The following DDX39A variants were observed in gnomAD, a reference collection of about 807,000 sequenced individuals.
The protein encoded by DDX39A is DExD-box helicase 39A.
A neutral mutation model predicts 46.3 loss-of-function variants in DDX39A; 13 were observed. That is an observed-to-expected ratio of 0.28 (90% CI 0.18 to 0.45). The LOEUF (loss-of-function observed/expected upper bound fraction) is 0.45. DDX39A is among the 20% of genes least tolerant of loss of function. DDX39A has a pLI of 1.00. For synonymous variants in DDX39A, 234 were observed against 224.6 expected (o/e 1.04, Z -0.38); for missense variants, 352 against 581.8 (o/e 0.61, Z 4.06).
chr19:14,411,208 A>ACACGGCCCAAGGCCCCAACCTG lies in DDX39A; in HGVS notation c.430-58_430-37dup. The ACACGGCCCAAGGCCCCAACCTG allele has an allele frequency of 6.5e-6, 10 of 1,538,064 alleles. No homozygotes were observed. The highest frequency in any genetic ancestry group is 8.8e-6 in the Non-Finnish European group (10 of 1,142,770). On this transcript the variant is annotated intron_variant, in intron 4 of 10. Transcript: ENST00000242776. The surrounding 1 kb of genome is among the most constrained non-coding windows in gnomAD (Gnocchi z 4.1). ...GAGGAGGAAACCGCTCCATGCTGAT[A>ACACGGCCCAAGGCCCCAACCTG]CACGGCCCAAGGCCCCAACCTGCAC...
intron 1 of DDX39A, among the ~76,000 whole-genome samples, chr19:14,414,283 T>C (rs1186616834): frequency 6.6e-6 from 1 of 151,896 alleles, no homozygotes; most frequent in Non-Finnish European, 1.5e-5. Context: ...TGGCCAGTTC[T>C]CACCTATGCT....
At chr19:14,418,021 T>A (rs1976882357) in intron 1 of DDX39A, among the ~76,000 whole-genome samples, 1 of 146,982 alleles carries the variant, frequency 6.8e-6, no homozygotes, top group Non-Finnish European at 1.5e-5. Context: ...ATACAAAAAT[T>A]AGCCGGATGT....
chr19:14,411,332 A>G lies in DDX39A; in HGVS notation c.430-160T>C, dbSNP rs1976582362. The G allele has an allele frequency of 9.7e-7, 1 of 1,026,208 alleles. No homozygotes were observed. Among genetic ancestry groups the G allele is most frequent in the Non-Finnish European group, 1.4e-6 (1 of 705,084 alleles). 63.6% of individuals were successfully genotyped at this position (1,026,208 alleles called of 1,614,324 possible). A position where few individuals can be genotyped will look rare whatever the true frequency, so the allele number is the denominator to read the frequency against. On this transcript the variant is annotated intron_variant, in intron 4 of 10. Transcript: ENST00000242776. The surrounding 1 kb of genome is among the most constrained non-coding windows in gnomAD (Gnocchi z 4.1). ...GGCAGCCCCAGGCTGGGACCTGCGC[A>G]GGCCCCTGGGAGCCATGCATAATTC...
chr19:14,408,896 A>G lies in DDX39A; in HGVS notation c.*40T>C. ...GCCTGGAAAGGGGAGGTGAAGCTGC[A>G]TGCGGGCGGCTCCGGGTGGGCGGCT... On this transcript the variant is annotated 3_prime_UTR_variant, in exon 11 of 11. Coordinates refer to ENST00000242776, the MANE Select transcript of DDX39A (RefSeq NM_005804.4). 5 of 1,554,862 alleles carry G rather than the reference A, an allele frequency of 3.2e-6. No individual in the cohort carries two copies. The highest frequency in any genetic ancestry group is 4.3e-6 in the Non-Finnish European group (5 of 1,149,712).
intron 1 of DDX39A, among the ~76,000 whole-genome samples, chr19:14,416,994 G>A (rs1424955642): frequency 6.6e-6 from 1 of 152,158 alleles, no homozygotes; most frequent in African/African-American, 2.4e-5. Context: ...GCCTGGGCCT[G>A]TGTACTTGTT....
Position 14,409,315 on chromosome 19 carries a change from G to C in DDX39A, c.1107C>G (p.Thr369=). ...TGAGGCTGCTCACCCGGTGCAGGTAGGTGTCCGAGTCCTCAGGCATGTCGT... is the reference window on the plus strand; with the variant it reads ...TGAGGCTGCTCACCCGGTGCAGGTACGTGTCCGAGTCCTCAGGCATGTCGT... The part of the protein sequence containing the change: ...FNYDMPEDSD[T]YLHRVARAGR... Residue 369 remains threonine, a synonymous_variant, in exon 9 of 11, where the codon ACC becomes ACG. Transcript: ENST00000242776. The surrounding 1 kb of genome is among the most constrained non-coding windows in gnomAD (Gnocchi z 8.3). The C allele has an allele frequency of 6.2e-7, 1 of 1,614,242 alleles. No homozygotes were observed. The highest frequency in any genetic ancestry group is 1.1e-5 in the South Asian group (1 of 91,086).
At chr19:14,417,021 C>A (rs1354336721) in intron 1 of DDX39A, among the ~76,000 whole-genome samples, 1 of 152,098 alleles carries the variant, frequency 6.6e-6, no homozygotes, top group African/African-American at 2.4e-5. Context: ...TAGGGAACTG[C>A]TAATTAGATT....
Position 14,409,278 on chromosome 19 carries a change from G to C in DDX39A, c.1119+25C>G, listed in dbSNP as rs1156819346. ...GGCCCCACCCCACCGCCAGGGGAAAGCAACATGCCCGTGAGGCTGCTCACC... is the reference window on the plus strand; with the variant it reads ...GGCCCCACCCCACCGCCAGGGGAAACCAACATGCCCGTGAGGCTGCTCACC... On this transcript the variant is annotated intron_variant, in intron 9 of 10. Coordinates refer to ENST00000242776, the MANE Select transcript of DDX39A (RefSeq NM_005804.4). This position sits in a 1 kb window ranked among gnomAD's most constrained non-coding sequence, Gnocchi z 8.3. The C allele has an allele frequency of 2.5e-6, 4 of 1,613,672 alleles. No individual in the cohort carries two copies. The highest frequency in any genetic ancestry group is 3.4e-6 in the Non-Finnish European group (4 of 1,179,672).
chr19:14,412,404 C>T lies in DDX39A; in HGVS notation c.336+147G>A, dbSNP rs750747123. On this transcript the variant is annotated intron_variant, in intron 3 of 10. Coordinates refer to ENST00000242776, the MANE Select transcript of DDX39A (RefSeq NM_005804.4). The surrounding 1 kb of genome is among the most constrained non-coding windows in gnomAD (Gnocchi z 4.4). ...AGTGCAGTGGTGTGATCATAGCACA[C>T]TGCAGCCTCGACTTCCTGGGCTCAA... 4 of 1,119,350 alleles carry T rather than the reference C, an allele frequency of 3.6e-6. No individual in the cohort carries two copies. The South Asian group carries it at 6.0e-5, about 17-fold the overall frequency. 69.3% of individuals were successfully genotyped at this position (1,119,350 alleles called of 1,614,324 possible). A position where few individuals can be genotyped will look rare whatever the true frequency, so the allele number is the denominator to read the frequency against.
In DDX39A at chr19:14,413,226, TGAG is replaced by T. The variant is rs1180791122; in HGVS notation, c.-4-5_-4-3del. ...TCCACATCCTGTTCTGCCATGATGC[TGAG>T]AAGAGAGAGAGGCAGGGTCCCGCGA... On this transcript the variant is annotated splice_polypyrimidine_tract_variant and splice_region_variant and intron_variant, in intron 1 of 10. Coordinates refer to ENST00000242776, the MANE Select transcript of DDX39A (RefSeq NM_005804.4). 1 of 1,612,750 alleles carries T rather than the reference TGAG, an allele frequency of 6.2e-7. No individual in the cohort carries two copies. The highest frequency in any genetic ancestry group is 2.2e-5 in the East Asian group (1 of 44,884).
chr19:14,419,015 T>C (rs1383635023), intron 1 of DDX39A: 7 of 455,942 alleles, frequency 1.5e-5, no homozygotes, highest in Admixed American at 7.0e-5. Context: ...CGGAGCGCCG[T>C]AGGCCATGAC....
rs961266680 is a variant in DDX39A, at chr19:14,412,789, G to A, written c.209-111C>T. On this transcript the variant is annotated intron_variant, in intron 2 of 10. Transcript: ENST00000242776. This position sits in a 1 kb window ranked among gnomAD's most constrained non-coding sequence, Gnocchi z 4.4. Reference sequence around the variant, plus strand: ...AGGGCAATCAGAAGAGGCCGAGTCCGGACAAGGCCACAGACACCTGCAGGG... The same window carrying A: ...AGGGCAATCAGAAGAGGCCGAGTCCAGACAAGGCCACAGACACCTGCAGGG... 2.5e-5 allele frequency: 36 copies of A among 1,445,750 alleles called. No individual in the cohort carries two copies. Among genetic ancestry groups the A allele is most frequent in the African/African-American group, 4.2e-5 (3 of 70,946 alleles). 89.6% of individuals were successfully genotyped at this position (1,445,750 alleles called of 1,614,324 possible). A position where few individuals can be genotyped will look rare whatever the true frequency, so the allele number is the denominator to read the frequency against.
rs530782965 is a variant in DDX39A at position 14,410,704 on chromosome 19, G to C, written c.613+285C>G. On this transcript the variant is annotated intron_variant, in intron 5 of 10. Coordinates refer to ENST00000242776, the MANE Select transcript of DDX39A (RefSeq NM_005804.4). This position sits in a 1 kb window ranked among gnomAD's most constrained non-coding sequence, Gnocchi z 4.3. The stretch of plus-strand genomic sequence containing the variant: ...TGTCGGGGCTCACTGAGGGCAGGCG[G>C]GGCCTGGAACCAACCCAACAGGTGG... The C allele has an allele frequency of 4.9e-4, 257 of 520,006 alleles. 1 individual carries two copies. Among genetic ancestry groups the C allele is most frequent in the Non-Finnish European group, 5.4e-4 (154 of 286,530 alleles). The allele number at this position is 520,006 out of a possible 1,614,324, so 32.2% of individuals were successfully genotyped here.
chr19:14,411,434 G>T lies in DDX39A; in HGVS notation c.429+72C>A. On this transcript the variant is annotated intron_variant, in intron 4 of 10. Transcript: ENST00000242776. This position sits in a 1 kb window ranked among gnomAD's most constrained non-coding sequence, Gnocchi z 4.1. ...CTGCCAAGCTTGGTAAATGCTGGCT[G>T]GGCCAGAGCCGAGGCTAACAAAGCT... The T allele has an allele frequency of 1.4e-6, 2 of 1,442,972 alleles. No individual in the cohort carries two copies. The highest frequency in any genetic ancestry group is 9.7e-7 in the Non-Finnish European group (1 of 1,027,424). The allele number at this position is 1,442,972 out of a possible 1,614,324, so 89.4% of individuals were successfully genotyped here.
In DDX39A at chr19:14,411,203, C is replaced by A; in HGVS notation, c.430-31G>T. ...GGGATGAGGAGGAAACCGCTCCATG[C>A]TGATACACGGCCCAAGGCCCCAACC... On this transcript the variant is annotated intron_variant, in intron 4 of 10. Coordinates refer to ENST00000242776, the MANE Select transcript of DDX39A (RefSeq NM_005804.4). This position sits in a 1 kb window ranked among gnomAD's most constrained non-coding sequence, Gnocchi z 4.1. 6.5e-7 allele frequency: 1 copy of A among 1,541,442 alleles called. No homozygotes were observed. Among genetic ancestry groups the A allele is most frequent in the Non-Finnish European group, 8.7e-7 (1 of 1,144,320 alleles).
chr19:14,418,844 G>A (rs1201494792), intron 1 of DDX39A: 1 of 448,218 alleles, frequency 2.2e-6, no homozygotes, highest in East Asian at 7.0e-5. Context: ...GACTGGGAAA[G>A]GGATCAAGTC....
Position 14,417,448 on chromosome 19 carries a change from G to A in DDX39A, c.-5+1822C>T, listed in dbSNP as rs1220939086. On this transcript the variant is annotated intron_variant, in intron 1 of 10. Transcript: ENST00000242776. ...CCAACCTGGACAATAAGTCGAGACC[G>A]CGTCTATACAAAAACAATTTTTAAA... Among the ~76,000 whole-genome samples, 3 of 132,518 alleles carry A rather than the reference G, an allele frequency of 2.3e-5. No homozygotes were observed. The South Asian group carries it at 7.2e-4, about 32-fold the overall frequency. The allele number at this position is 132,518 out of a possible 152,430, so 86.9% of individuals were successfully genotyped here.
intron 1 of DDX39A, among the ~76,000 whole-genome samples, chr19:14,418,539 C>A (rs1354999063): frequency 6.6e-6 from 1 of 152,024 alleles, no homozygotes; most frequent in Non-Finnish European, 1.5e-5. Context: ...CTCACTGTAA[C>A]CTCCACCTCC....
rs764499767 is a variant in DDX39A at position 14,410,231 on chromosome 19, C to T, written c.717G>A (p.Arg239=). 3.1e-6 allele frequency: 5 copies of T among 1,614,006 alleles called. No homozygotes were observed. The African/African-American group carries it at 6.7e-5, about 22-fold the overall frequency. The change falls in exon 6 of 11, where the codon AGG becomes AGA. Residue 239 remains arginine (R), a synonymous_variant. Transcript: ENST00000242776. The surrounding 1 kb of genome is among the most constrained non-coding windows in gnomAD (Gnocchi z 4.3). Reference sequence around the variant, plus strand: ...CCCTACTCACATCCTGCATGAACTTCCTGCACACAGGCCGGATGTCCTTGC... The same window carrying T: ...CCCTACTCACATCCTGCATGAACTTTCTGCACACAGGCCGGATGTCCTTGC... The part of the protein sequence containing the change: ...TLSKDIRPVC[R]KFMQDPMEVF...
Sources: gnomAD v4.1 joint callset for allele counts (sites outside exome capture counted in the v4.1 genomes callset) on GRCh38, gnomAD v4.1.1 for gene constraint, Gnocchi (gnomAD v3.1) non-coding constraint, MANE v1.5 for transcripts, NCBI Gene and HGNC (gene_info 2026-07-23, HGNC 2026-07-21) for gene names.